Variants in RFTN2 observed in about 807,000 individuals in gnomAD.
RFTN2 encodes the protein raftlin-2.
A neutral mutation model predicts 52.7 loss-of-function variants in RFTN2; 34 were observed. The observed-to-expected ratio is 0.64, with a 90% CI of 0.49 to 0.86. The LOEUF is 0.86. RFTN2 is among the 40% of genes least tolerant of loss of function. The pLI, the probability that RFTN2 is intolerant of heterozygous loss-of-function variation, is 0.00. For missense variants in RFTN2, 536 were observed against 600.1 expected (o/e 0.89, Z 1.12); for synonymous variants, 203 against 217.7 (o/e 0.93, Z 0.59).
In RFTN2 at chr2:197,606,248, T is replaced by C. The variant is rs868103658; in HGVS notation, c.1154+9628A>G. ...GACCTGTCATGAACTGGTTTGTTTC[T>C]CAAAGCAGAGTATGAGTTCCTGTAT... On this transcript the variant is annotated intron_variant, in intron 7 of 8. Transcript: ENST00000295049. Among the ~76,000 whole-genome samples the C allele has an allele frequency of 8.5e-5, 13 of 152,288 alleles. No homozygotes were observed. In the South Asian group the frequency reaches 2.5e-3, roughly 29 times the overall value.
intron 8 of RFTN2, among the ~76,000 whole-genome samples, chr2:197,591,725 G>A (rs1420637118): frequency 6.6e-6 from 1 of 152,170 alleles, no homozygotes; most frequent in Non-Finnish European, 1.5e-5. Context: ...CTAAGACCCG[G>A]TGAAAAATCG....
intron 5 of RFTN2, among the ~76,000 whole-genome samples, chr2:197,625,422 T>C (rs1266397696): frequency 6.6e-6 from 1 of 152,122 alleles, no homozygotes; most frequent in Non-Finnish European, 1.5e-5. Context: ...TCCATTTTAG[T>C]TTTTTTGGTT....
At chr2:197,594,107 C>G (rs955401559) in intron 8 of RFTN2, among the ~76,000 whole-genome samples, 3 of 148,934 alleles carry the variant, frequency 2.0e-5, no homozygotes, top group African/African-American at 7.5e-5. Context: ...CCTCTACCTC[C>G]TGGGTTCAAG....
At chr2:197,627,950 C>T (rs952251456) in intron 5 of RFTN2, among the ~76,000 whole-genome samples, 1 of 127,786 alleles carries the variant, frequency 7.8e-6, no homozygotes, top group African/African-American at 3.0e-5. Context: ...ATTTAAATTT[C>T]TGAGCGCTGT....
At chr2:197,640,328 C>T (rs1281527325) in intron 3 of RFTN2, among the ~76,000 whole-genome samples, 2 of 152,088 alleles carry the variant, frequency 1.3e-5, no homozygotes, top group African/African-American at 4.8e-5. Flanking sequence ...GCGCCCCTCC[C>T]CCAGCCTCAC....
intron 3 of RFTN2, among the ~76,000 whole-genome samples, chr2:197,643,681 G>A (rs1158989346): frequency 1.3e-5 from 2 of 151,986 alleles, no homozygotes; most frequent in Non-Finnish European, 2.9e-5. Flanking sequence ...ATTTCTCTTT[G>A]ATTCTTCTTT....
At chr2:197,614,552 T>G (rs1056751800) in intron 7 of RFTN2, among the ~76,000 whole-genome samples, 1 of 152,172 alleles carries the variant, frequency 6.6e-6, no homozygotes, top group African/African-American at 2.4e-5. Context: ...ATGGCAAAAC[T>G]AAAAGATCAC....
rs927391010 is a variant in RFTN2, at chr2:197,648,137, G to A, written c.140-1471C>T. On this transcript the variant is annotated intron_variant, in intron 1 of 8. Coordinates refer to ENST00000295049, the MANE Select transcript of RFTN2 (RefSeq NM_144629.3). ...ACTGCGGCTGATTGCCTGAGCACAG[G>A]AAGGAGGTTAAGAAGCAGATGAGGA... Among the ~76,000 whole-genome samples, 3 of 152,162 alleles carry A rather than the reference G, an allele frequency of 2.0e-5. No homozygotes were observed. The East Asian group carries it at 5.8e-4, about 29-fold the overall frequency.
At chr2:197,636,861 A>C (rs1559358943) in intron 3 of RFTN2, among the ~76,000 whole-genome samples, 2 of 149,754 alleles carry the variant, frequency 1.3e-5, no homozygotes, top group Non-Finnish European at 1.5e-5. Context: ...ATTTAGTATG[A>C]TATTGGCTGT....
chr2:197,613,771 T>G (rs995081776), intron 7 of RFTN2, among the ~76,000 whole-genome samples: 2 of 152,170 alleles, frequency 1.3e-5, no homozygotes, highest in African/African-American at 4.8e-5. Flanking sequence ...AATTACAAAA[T>G]GCAAAGGAAC....
chr2:197,580,230 C>T (rs967425757), intron 8 of RFTN2, among the ~76,000 whole-genome samples: 2 of 152,132 alleles, frequency 1.3e-5, no homozygotes, highest in Admixed American at 1.3e-4. Context: ...CTTTATTAAC[C>T]TCGCCTTCAA....
chr2:197,601,527 C>T (rs939493818), intron 7 of RFTN2, among the ~76,000 whole-genome samples: 2 of 151,954 alleles, frequency 1.3e-5, no homozygotes, highest in African/African-American at 4.8e-5. Context: ...TGGGTCTCCT[C>T]TAGTTCCCAC....
In RFTN2 at chr2:197,569,494, G is replaced by C. The variant is rs1434990890; in HGVS notation, c.*2514C>G. On this transcript the variant is annotated 3_prime_UTR_variant, in exon 9 of 9. Transcript: ENST00000295049. ...TCACATAACTTAAGGGTAATTGTTG[G>C]AGCAAATGCTTCTAAAACAAGTTTT... 1 of 152,062 alleles carries C rather than the reference G, an allele frequency of 6.6e-6. No individual in the cohort carries two copies. The highest frequency in any genetic ancestry group is 1.5e-5 in the Non-Finnish European group (1 of 68,018). 9.4% of individuals were successfully genotyped at this position (152,062 alleles called of 1,614,324 possible). A position where few individuals can be genotyped will look rare whatever the true frequency, so the allele number is the denominator to read the frequency against.
At position 197,631,014 on chromosome 2, in the gene RFTN2, T is replaced by C; in HGVS notation, c.925A>G (p.Lys309Glu). 6.3e-7 allele frequency: 1 copy of C among 1,583,096 alleles called. No homozygotes were observed. The highest frequency in any genetic ancestry group is 8.7e-7 in the Non-Finnish European group (1 of 1,153,696). ...IDSFVFWETS[K>E]GEHLPKSLEG... ...ATATCATTAACATAAAACTTACCTT[T>C]AGATGTTTCCCAGAATACAAAAGAA... Residue 309 changes from lysine (K) to glutamate (E), a missense_variant, in exon 5 of 9, where the codon AAA (lysine) becomes GAA (glutamate). Lys to Glu is a moderately conservative substitution (Grantham distance 56). Transcript: ENST00000295049.
At chr2:197,586,356 G>A (rs1331346473) in intron 8 of RFTN2, among the ~76,000 whole-genome samples, 2 of 152,072 alleles carry the variant, frequency 1.3e-5, no homozygotes, top group South Asian at 2.1e-4. Context: ...GACAGCTGCC[G>A]CCCTAGCTGG....
At chr2:197,586,781 A>C (rs2087606116) in intron 8 of RFTN2, among the ~76,000 whole-genome samples, 1 of 152,162 alleles carries the variant, frequency 6.6e-6, no homozygotes, top group South Asian at 2.1e-4. Context: ...TTCAGGCCCA[A>C]GTGACTCTCT....
chr2:197,618,603 G>T, intron 5 of RFTN2, among the ~76,000 whole-genome samples: 1 of 151,748 alleles, frequency 6.6e-6, no homozygotes, highest in East Asian at 2.0e-4. Flanking sequence ...AAAGTGAGGA[G>T]TGTCTCTGCC....
intron 8 of RFTN2, among the ~76,000 whole-genome samples, chr2:197,587,439 TG>T (rs2087619376): frequency 1.3e-5 from 2 of 152,056 alleles, no homozygotes; most frequent in Non-Finnish European, 2.9e-5. Flanking sequence ...GAAGTGAAAA[TG>T]GCCATTTCCT....
At chr2:197,605,513 C>A (rs1185352027) in intron 7 of RFTN2, among the ~76,000 whole-genome samples, 1 of 152,046 alleles carries the variant, frequency 6.6e-6, no homozygotes, top group Non-Finnish European at 1.5e-5. Context: ...CCGCGCCTGG[C>A]CGAATTTGTT....
Sources: gnomAD v4.1 joint callset for allele counts (sites outside exome capture counted in the v4.1 genomes callset) on GRCh38, gnomAD v4.1.1 for gene constraint, MANE v1.5 for transcripts, NCBI Gene and HGNC (gene_info 2026-07-23, HGNC 2026-07-21) for gene names.